CADM2: variants seen among roughly 807,000 people sequenced by gnomAD.
The protein encoded by CADM2 is immunoglobulin superfamily member 4D.
Under a neutral mutation model 49.8 loss-of-function variants are expected in CADM2, and 12 were observed. That is an observed-to-expected ratio of 0.24 (90% CI 0.15 to 0.39). The LOEUF (loss-of-function observed/expected upper bound fraction) is 0.39. Ranked by LOEUF, CADM2 falls within the 10% of genes least tolerant of loss-of-function variation. The pLI is 1.00. For synonymous variants in CADM2, 214 were observed against 175.4 expected, an observed-to-expected ratio of 1.22 and a Z score of -1.74; for missense variants, 378 against 492.3, an observed-to-expected ratio of 0.77 and a Z score of 2.20.
chr3:86,016,898 A>G (rs1577960032), intron 8 of CADM2, among the ~76,000 whole-genome samples: 1 of 152,278 alleles, frequency 6.6e-6, no homozygotes, highest in East Asian at 1.9e-4. Context: ...AAATTCAACA[A>G]AAGAATTATT....
At chr3:86,031,426 A>G (rs2107152611) in intron 8 of CADM2, among the ~76,000 whole-genome samples, 1 of 151,940 alleles carries the variant, frequency 6.6e-6, no homozygotes, top group East Asian at 1.9e-4. Context: ...CCCTGTTCTT[A>G]GATTTTGTGC....
At chr3:85,851,609 A>G (rs1039433977) in intron 3 of CADM2, among the ~76,000 whole-genome samples, 1 of 150,046 alleles carries the variant, frequency 6.7e-6, no homozygotes, top group Admixed American at 6.7e-5. Flanking sequence ...ATTTACTGAA[A>G]TCAGTTTTCT....
chr3:85,445,853 CT>C (rs1180604658), intron 1 of CADM2, among the ~76,000 whole-genome samples: 1 of 151,976 alleles, frequency 6.6e-6, no homozygotes, highest in Non-Finnish European at 1.5e-5. Context: ...GTGAATAAAT[CT>C]TTTTTTGAAA....
intron 1 of CADM2, among the ~76,000 whole-genome samples, chr3:85,459,522 G>A (rs2038143529): frequency 6.6e-6 from 1 of 152,166 alleles, no homozygotes; most frequent in African/African-American, 2.4e-5. Flanking sequence ...GTGTAGCAGA[G>A]ATGCTTAAAA....
At chr3:85,078,101 G>T (rs1310779539) in intron 1 of CADM2, among the ~76,000 whole-genome samples, 1 of 152,008 alleles carries the variant, frequency 6.6e-6, no homozygotes, top group Non-Finnish European at 1.5e-5. Context: ...AAATAATGGT[G>T]CCAGTGATTT....
chr3:85,848,027 C>T (rs2108282567), intron 3 of CADM2, among the ~76,000 whole-genome samples: 1 of 152,074 alleles, frequency 6.6e-6, no homozygotes, highest in Non-Finnish European at 1.5e-5. Context: ...CATTTTTTAT[C>T]ATTCGATAGT....
chr3:86,063,463 C>G (rs919182920), intron 8 of CADM2, among the ~76,000 whole-genome samples: 1 of 152,174 alleles, frequency 6.6e-6, no homozygotes, highest in African/African-American at 2.4e-5. Context: ...GGATTCTCCT[C>G]TATTCATTCT....
chr3:85,272,687 A>G (rs939152758), intron 1 of CADM2, among the ~76,000 whole-genome samples: 1 of 151,296 alleles, frequency 6.6e-6, no homozygotes, highest in African/African-American at 2.4e-5. Context: ...TTCTACGTTT[A>G]TGTTTACAAT....
chr3:86,038,129 C>T (rs1278145490), intron 8 of CADM2, among the ~76,000 whole-genome samples: 1 of 152,084 alleles, frequency 6.6e-6, no homozygotes, highest in Non-Finnish European at 1.5e-5. Flanking sequence ...ATGATAGTTT[C>T]CAGCTTGCTT....
At chr3:85,353,871 G>A (rs1222692187) in intron 1 of CADM2, among the ~76,000 whole-genome samples, 1 of 151,772 alleles carries the variant, frequency 6.6e-6, no homozygotes, top group Admixed American at 6.6e-5. Context: ...TATCAACTTT[G>A]TTTCAAATAA....
chr3:85,651,810 TTTTG>T (rs2065048416), intron 1 of CADM2, among the ~76,000 whole-genome samples: 1 of 149,192 alleles, frequency 6.7e-6, no homozygotes, highest in Non-Finnish European at 1.5e-5. Context: ...CTAAACTTAA[TTTTG>T]TTTTTTTCTT....
intron 1 of CADM2, among the ~76,000 whole-genome samples, chr3:85,014,814 G>C (rs769668954): frequency 6.6e-6 from 1 of 151,208 alleles, no homozygotes; most frequent in Admixed American, 6.6e-5. Flanking sequence ...TACCATCAAT[G>C]TTTCATTATG....
chr3:85,341,952 GC>G (rs542715595), intron 1 of CADM2, among the ~76,000 whole-genome samples: 182 of 152,236 alleles, frequency 1.2e-3, no homozygotes, highest in African/African-American at 4.3e-3. Flanking sequence ...CATTGCATGG[GC>G]AAAGACTTCA....
At chr3:85,139,823 T>C (rs577525805) in intron 1 of CADM2, among the ~76,000 whole-genome samples, 2 of 152,208 alleles carry the variant, frequency 1.3e-5, no homozygotes, top group Admixed American at 1.3e-4. Flanking sequence ...AAATGAGAGG[T>C]AATTACATTT....
At chr3:85,597,187 G>C (rs2063269266) in intron 1 of CADM2, among the ~76,000 whole-genome samples, 1 of 150,212 alleles carries the variant, frequency 6.7e-6, no homozygotes, top group Non-Finnish European at 1.5e-5. Context: ...AAGTGCACAA[G>C]ATTGTCAAGA....
intron 1 of CADM2, among the ~76,000 whole-genome samples, chr3:85,568,409 T>TTTTCTTTCTTTCTCTCTCTCTC (rs1559915608): frequency 3.1e-5 from 1 of 32,356 alleles, no homozygotes. Context: ...CTTTCTTTCT[T>TTTTCTTTCTTTCTCTCTCTCTC]TCTTTCTTTC....
intron 3 of CADM2, among the ~76,000 whole-genome samples, chr3:85,821,430 C>T (rs558994020): frequency 6.6e-6 from 1 of 152,324 alleles, no homozygotes; most frequent in African/African-American, 2.4e-5. Flanking sequence ...ACTTCCTACT[C>T]TTATTCATAT....
At chr3:85,917,221 TTTAG>T (rs1445852060) in intron 6 of CADM2, among the ~76,000 whole-genome samples, 1 of 152,178 alleles carries the variant, frequency 6.6e-6, no homozygotes, top group Non-Finnish European at 1.5e-5. Flanking sequence ...CTTTTGGTGT[TTTAG>T]TCATGAAGTC....
chr3:85,426,450 A>G (rs924830877), intron 1 of CADM2, among the ~76,000 whole-genome samples: 5 of 152,148 alleles, frequency 3.3e-5, no homozygotes, highest in Admixed American at 3.3e-4. Context: ...ATTTTTTTAA[A>G]AAAATATCAA....
Sources: gnomAD v4.1 joint callset for allele counts (sites outside exome capture counted in the v4.1 genomes callset) on GRCh38, gnomAD v4.1.1 for gene constraint, MANE v1.5 for transcripts, NCBI Gene and HGNC (gene_info 2026-07-23, HGNC 2026-07-21) for gene names.